KCNMA1: variants seen among roughly 807,000 people sequenced by gnomAD.
KCNMA1 encodes Calcium-activated potassium channel subunit alpha-1.
KCNMA1 carries 29 observed loss-of-function variants against 140.0 expected under a neutral mutation model. The ratio of observed to expected loss-of-function variants is 0.21; its 90% CI spans 0.15 to 0.28. KCNMA1 has a LOEUF of 0.28. Among genes scored for constraint, KCNMA1 ranks in the 10% least tolerant of loss-of-function variants. The pLI, the probability that KCNMA1 is intolerant of heterozygous loss-of-function variation, is 1.00. For missense variants in KCNMA1, 880 were observed against 1,602.2 expected, an observed-to-expected ratio of 0.55 and a Z score of 7.70; for synonymous variants, 612 against 611.9, an observed-to-expected ratio of 1.00 and a Z score of 0.00.
chr10:77,491,745 A>ACACC (rs1311725315), intron 1 of KCNMA1, among the ~76,000 whole-genome samples: 2 of 144,830 alleles, frequency 1.4e-5, no homozygotes, highest in Non-Finnish European at 3.0e-5. Flanking sequence ...ACACACACAC[A>ACACC]CACACACACC....
chr10:77,227,964 AT>A (rs10642363), intron 3 of KCNMA1, among the ~76,000 whole-genome samples: 118 of 136,060 alleles, frequency 8.7e-4, no homozygotes, highest in Non-Finnish European at 1.3e-3. Context: ...ATTTAATTTA[AT>A]TTTTTTTTTT....
intron 23 of KCNMA1, among the ~76,000 whole-genome samples, chr10:76,918,918 T>TCTCACA (rs1554918934): frequency 1.4e-5 from 2 of 144,156 alleles, no homozygotes; most frequent in Non-Finnish European, 3.0e-5. Flanking sequence ...ATATATCACA[T>TCTCACA]CACACACACA....
intron 5 of KCNMA1, 139 bp from the exon 6 acceptor site, chr10:77,121,187 A>C: frequency 1.5e-6 from 1 of 684,552 alleles, no homozygotes; most frequent in Non-Finnish European, 2.6e-6. Context: ...GGTACCTCAG[A>C]CATATTCCTT....
At chr10:77,367,264 G>A (rs2094424080) in intron 2 of KCNMA1, among the ~76,000 whole-genome samples, 1 of 152,196 alleles carries the variant, frequency 6.6e-6, no homozygotes, top group Admixed American at 6.5e-5. Flanking sequence ...TGTAGGGTAT[G>A]ATCTGAGGGA....
At chr10:77,214,557 G>C (rs1185001763) in intron 3 of KCNMA1, among the ~76,000 whole-genome samples, 1 of 152,130 alleles carries the variant, frequency 6.6e-6, no homozygotes, top group Non-Finnish European at 1.5e-5. Context: ...TTGCTCAACT[G>C]TCCTCCATAG....
At chr10:77,132,752 G>A (rs1428193373) in intron 5 of KCNMA1, among the ~76,000 whole-genome samples, 3 of 152,058 alleles carry the variant, frequency 2.0e-5, no homozygotes, top group African/African-American at 4.8e-5. Context: ...GGCTTCACTG[G>A]TTGCAAGAAA....
chr10:77,411,974 C>T (rs1189001069), intron 1 of KCNMA1, among the ~76,000 whole-genome samples: 3 of 152,346 alleles, frequency 2.0e-5, no homozygotes, highest in Non-Finnish European at 2.9e-5. Flanking sequence ...GTCCTTAGCA[C>T]GCTCTGCCCA....
chr10:77,063,462 T>G (rs1595081686), intron 14 of KCNMA1, among the ~76,000 whole-genome samples: 1 of 151,948 alleles, frequency 6.6e-6, no homozygotes, highest in Non-Finnish European at 1.5e-5. Flanking sequence ...AAAAGGTATA[T>G]CACGTAAACT....
intron 3 of KCNMA1, among the ~76,000 whole-genome samples, chr10:77,218,035 G>C (rs1453453017): frequency 6.6e-6 from 1 of 152,164 alleles, no homozygotes; most frequent in Non-Finnish European, 1.5e-5. Flanking sequence ...ATCCTTCTCA[G>C]GGATGGAATT....
intron 19 of KCNMA1, among the ~76,000 whole-genome samples, chr10:76,993,506 G>A (rs1291207113): frequency 6.6e-6 from 1 of 152,210 alleles, no homozygotes; most frequent in Non-Finnish European, 1.5e-5. Context: ...TCTTGGATTT[G>A]CATCTGGGCA....
In KCNMA1 at chr10:77,007,653, G is replaced by GTGTGTGTATATATA; in HGVS notation, c.2092+4313_2092+4314insTATATATACACACA. Among the ~76,000 whole-genome samples, 824 of 88,412 alleles carry GTGTGTGTATATATA rather than the reference G, an allele frequency of 9.3e-3. 31 individuals carry two copies. Among genetic ancestry groups the GTGTGTGTATATATA allele is most frequent in the Middle Eastern group, 0.018 (2 of 112 alleles). 58.0% of individuals were successfully genotyped at this position (88,412 alleles called of 152,430 possible). ...ACATCATGGTACATATTGTGTGTGTGTATATATATATATATATATATATGT... is the reference window on the plus strand; with the variant it reads ...ACATCATGGTACATATTGTGTGTGTGTGTGTGTATATATATATATATATATATATATATATATGT... On this transcript the variant is annotated intron_variant, in intron 18 of 27. Transcript: ENST00000286628.
chr10:77,130,118 C>T (rs1203634432), intron 5 of KCNMA1, among the ~76,000 whole-genome samples: 1 of 152,048 alleles, frequency 6.6e-6, no homozygotes, highest in Non-Finnish European at 1.5e-5. Flanking sequence ...TCTCAAAGCA[C>T]AAAAATAAAG....
intron 1 of KCNMA1, among the ~76,000 whole-genome samples, chr10:77,488,574 G>A (rs1299042656): frequency 1.3e-5 from 2 of 152,282 alleles, no homozygotes; most frequent in East Asian, 3.9e-4. Flanking sequence ...CAAAAAGGCT[G>A]AGCTGCCGGC....
At chr10:77,375,587 C>A (rs2095042755) in intron 2 of KCNMA1, among the ~76,000 whole-genome samples, 1 of 152,214 alleles carries the variant, frequency 6.6e-6, no homozygotes, top group South Asian at 2.1e-4. Flanking sequence ...AGAGACCAAG[C>A]CTTTCCAACT....
chr10:77,088,428 TTTTTGTTTTGTTTTG>T (rs10638689), intron 10 of KCNMA1, among the ~76,000 whole-genome samples: 63 of 150,902 alleles, frequency 4.2e-4, no homozygotes, highest in African/African-American at 1.5e-3. Context: ...GAGCAGCCAG[TTTTTGTTTTGTTTTG>T]TTTTGTTTTG....
chr10:77,138,750 T>C (rs1211565167), intron 5 of KCNMA1, among the ~76,000 whole-genome samples: 1 of 152,168 alleles, frequency 6.6e-6, no homozygotes, highest in Admixed American at 6.5e-5. Flanking sequence ...ACTCTCCATG[T>C]CCTCACGCCC....
At chr10:77,494,303 C>T (rs901146408) in intron 1 of KCNMA1, among the ~76,000 whole-genome samples, 2 of 152,194 alleles carry the variant, frequency 1.3e-5, no homozygotes, top group Non-Finnish European at 2.9e-5. Context: ...TTGCTTCAGG[C>T]CAGGGCTGAA....
At chr10:77,124,826 T>C (rs2097698744) in intron 5 of KCNMA1, among the ~76,000 whole-genome samples, 1 of 152,188 alleles carries the variant, frequency 6.6e-6, no homozygotes, top group Non-Finnish European at 1.5e-5. Flanking sequence ...ATTAGTCCGT[T>C]CTCACTCTGC....
intron 16 of KCNMA1, among the ~76,000 whole-genome samples, chr10:77,024,636 G>A (rs1229904760): frequency 1.3e-5 from 2 of 151,854 alleles, no homozygotes; most frequent in Non-Finnish European, 2.9e-5. Context: ...AAAACAGGGT[G>A]AAATCACATG....
Sources: gnomAD v4.1 joint callset for allele counts (sites outside exome capture counted in the v4.1 genomes callset) on GRCh38, gnomAD v4.1.1 for gene constraint, MANE v1.5 for transcripts, NCBI Gene and HGNC (gene_info 2026-07-23, HGNC 2026-07-21) for gene names.